The following FIG4 variants were observed in gnomAD, a reference collection of about 807,000 sequenced individuals.
The protein encoded by FIG4 is FIG4 phosphoinositide 5-phosphatase, also known as polyphosphoinositide phosphatase.
Under a neutral mutation model 118.6 loss-of-function variants are expected in FIG4, and 112 were observed. The observed-to-expected ratio is 0.94, with a 90% CI of 0.81 to 1.11. The LOEUF (loss-of-function observed/expected upper bound fraction) is 1.11. FIG4 is among the 50% of genes least tolerant of loss of function. FIG4 has a pLI of 0.00. For synonymous variants in FIG4, 369 were observed against 381.2 expected (o/e 0.97, Z 0.37); for missense variants, 969 against 1,111.7 (o/e 0.87, Z 1.83).
intron 10 of FIG4, among the ~76,000 whole-genome samples, chr6:109,756,707 C>G (rs932146991): frequency 6.6e-6 from 1 of 152,216 alleles, no homozygotes; most frequent in Non-Finnish European, 1.5e-5. Flanking sequence ...CACTGATACC[C>G]TTTCTTCCAG....
chr6:109,758,521 G>A (rs1420296280), intron 10 of FIG4, among the ~76,000 whole-genome samples: 1 of 152,100 alleles, frequency 6.6e-6, no homozygotes, highest in African/African-American at 2.4e-5. Flanking sequence ...GAAAACCTAG[G>A]CAATACTATT....
At chr6:109,721,600 A>G (rs558618380) in intron 3 of FIG4, among the ~76,000 whole-genome samples, 1 of 152,308 alleles carries the variant, frequency 6.6e-6, no homozygotes, top group Non-Finnish European at 1.5e-5. Flanking sequence ...TCTTCTGGAA[A>G]GTACTCAGTG....
In FIG4 at chr6:109,727,190, TC is replaced by T; in HGVS notation, c.372del (p.Tyr125IlefsTer8). 6.2e-7 allele frequency: 1 copy of T among 1,610,938 alleles called. No individual in the cohort carries two copies. The highest frequency in any genetic ancestry group is 8.5e-7 in the Non-Finnish European group (1 of 1,177,166). The stretch of plus-strand genomic sequence containing the variant: ...ATGGCGGATATTGGAGGTCATGCAA[TC>T]TATAAGGTCGAAGATACAAATATGA... The part of the protein sequence containing the change: ...RKMADIGGHA[I>X]YKVEDTNMIY... On this transcript the variant is annotated frameshift_variant, in exon 4 of 23. Coordinates refer to ENST00000230124, the MANE Select transcript of FIG4 (RefSeq NM_014845.6). LOFTEE classifies it high-confidence loss of function.
chr6:109,752,345 T>C (rs1272190834), intron 10 of FIG4, among the ~76,000 whole-genome samples: 1 of 151,234 alleles, frequency 6.6e-6, no homozygotes, highest in Non-Finnish European at 1.5e-5. Flanking sequence ...GTCCTTTGGG[T>C]ATATACCCAG....
intron 1 of FIG4, among the ~76,000 whole-genome samples, chr6:109,712,640 C>T (rs1775302471): frequency 6.6e-6 from 1 of 152,188 alleles, no homozygotes; most frequent in Admixed American, 6.5e-5. Context: ...CATGTTTTAT[C>T]ATGATTTTTA....
intron 1 of FIG4, among the ~76,000 whole-genome samples, chr6:109,710,886 G>A (rs556636289): frequency 1.4e-4 from 21 of 148,014 alleles, no homozygotes; most frequent in African/African-American, 4.5e-4. Context: ...TCTAGCCTCC[G>A]GTCTATATAC....
At chr6:109,739,695 C>G (rs1345877989) in intron 7 of FIG4, among the ~76,000 whole-genome samples, 3 of 152,106 alleles carry the variant, frequency 2.0e-5, no homozygotes, top group Non-Finnish European at 4.4e-5. Flanking sequence ...CAGGCCAGCC[C>G]TGGCCCCCCT....
intron 22 of FIG4, among the ~76,000 whole-genome samples, chr6:109,816,607 T>C (rs561480991): frequency 6.6e-6 from 1 of 152,344 alleles, no homozygotes; most frequent in East Asian, 1.9e-4. Flanking sequence ...ACAGACCCAG[T>C]GCTGTGTGGG....
intron 10 of FIG4, among the ~76,000 whole-genome samples, chr6:109,748,017 A>C (rs1405522006): frequency 3.3e-5 from 5 of 152,148 alleles, no homozygotes. Flanking sequence ...GTGAGCATGC[A>C]CATTCCATTC....
At chr6:109,711,627 A>G (rs1216449655) in intron 1 of FIG4, among the ~76,000 whole-genome samples, 1 of 151,540 alleles carries the variant, frequency 6.6e-6, no homozygotes, top group Non-Finnish European at 1.5e-5. Flanking sequence ...GATAGATTTT[A>G]CTTTGTCCCT....
intron 3 of FIG4, among the ~76,000 whole-genome samples, chr6:109,724,145 C>T (rs1775708215): frequency 1.3e-5 from 2 of 151,986 alleles, no homozygotes; most frequent in Non-Finnish European, 2.9e-5. Context: ...ACAAACGAAT[C>T]TGGAAAGGCA....
intron 10 of FIG4, among the ~76,000 whole-genome samples, chr6:109,748,676 G>A (rs1466606161): frequency 6.6e-6 from 1 of 152,118 alleles, no homozygotes; most frequent in African/African-American, 2.4e-5. Flanking sequence ...AAGAAAAAGA[G>A]GTTTAATGGA....
At chr6:109,738,490 T>C in intron 7 of FIG4, 37 bp downstream of exon 7, 4 of 1,573,374 alleles carry the variant, frequency 2.5e-6, no homozygotes, top group Non-Finnish European at 3.5e-6. Context: ...TACATATTAC[T>C]AAACTTATGA....
intron 1 of FIG4, among the ~76,000 whole-genome samples, chr6:109,713,532 C>T (rs1775334117): frequency 6.6e-6 from 1 of 152,150 alleles, no homozygotes; most frequent in African/African-American, 2.4e-5. Context: ...GGCAGGCTGG[C>T]TCTGTGCCCA....
chr6:109,752,794 G>T (rs186435915), intron 10 of FIG4, among the ~76,000 whole-genome samples: 57 of 152,272 alleles, frequency 3.7e-4, no homozygotes, highest in Admixed American at 3.7e-3. Context: ...TAGGTTGCCT[G>T]TTCACTCTGA....
chr6:109,726,384 A>T (rs577800954), intron 3 of FIG4, among the ~76,000 whole-genome samples: 42 of 152,228 alleles, frequency 2.8e-4, no homozygotes, highest in Non-Finnish European at 4.4e-4. Flanking sequence ...TGTTTTTGTC[A>T]GGTTTGTCAA....
chr6:109,815,738 A>G (rs576967217), intron 22 of FIG4, among the ~76,000 whole-genome samples: 27 of 152,054 alleles, frequency 1.8e-4, no homozygotes, highest in Non-Finnish European at 3.1e-4. Context: ...AGTGGGTTCC[A>G]GTTTTCCAGT....
chr6:109,705,456 T>C (rs115333593), intron 1 of FIG4, among the ~76,000 whole-genome samples: 3,173 of 152,242 alleles, frequency 0.021, 98 homozygotes, highest in African/African-American at 0.073. Flanking sequence ...AAAACGTTTT[T>C]AGGATTCTTA....
rs139235893 is a variant in FIG4, at chr6:109,789,643, C to T, written c.2146C>T (p.Arg716Cys). 6.2e-6 allele frequency: 10 copies of T among 1,613,138 alleles called. No individual in the cohort carries two copies. The highest frequency in any genetic ancestry group is 5.3e-5 in the African/African-American group (4 of 74,854). ...VGIDPSPFTV[R>C]KPDETGKSVL... The stretch of plus-strand genomic sequence containing the variant: ...AATTGATCCAAGTCCATTTACTGTG[C>T]GTAAACCAGATGAAACTGGAAAATC... The change falls in exon 19 of 23, where the codon CGT becomes TGT. Residue 716 changes from arginine (R) to cysteine (C), a missense_variant. Coordinates refer to ENST00000230124, the MANE Select transcript of FIG4 (RefSeq NM_014845.6).
Sources: gnomAD v4.1 joint callset for allele counts (sites outside exome capture counted in the v4.1 genomes callset) on GRCh38, gnomAD v4.1.1 for gene constraint, MANE v1.5 for transcripts, NCBI Gene and HGNC (gene_info 2026-07-23, HGNC 2026-07-21) for gene names.